The following NBEAL1 variants were observed in gnomAD, a reference collection of about 807,000 sequenced individuals.
The protein encoded by NBEAL1 is neurobeachin-like protein 1.
Under a neutral mutation model 351.3 loss-of-function variants are expected in NBEAL1, and 273 were observed. The observed-to-expected ratio is 0.78, with a 90% confidence interval of 0.70 to 0.86. NBEAL1 has a LOEUF of 0.86. Ranked by LOEUF, NBEAL1 falls within the 40% of genes least tolerant of loss-of-function variation. The probability of loss-of-function intolerance (pLI) is 0.00; values close to 1 mark genes in which losing one functional copy is unlikely to be tolerated. For missense variants in NBEAL1, 2,961 were observed against 3,201.3 expected, an observed-to-expected ratio of 0.92 and a Z score of 1.81; for synonymous variants, 1,050 against 1,086.4, an observed-to-expected ratio of 0.97 and a Z score of 0.66.
chr2:203,068,436 C>G lies in NBEAL1; in HGVS notation c.559C>G (p.Pro187Ala). 5 of 1,547,392 alleles carry G rather than the reference C, an allele frequency of 3.2e-6. 1 individual carries two copies. The highest frequency in any genetic ancestry group is 4.4e-6 in the Non-Finnish European group (5 of 1,144,328). Reference protein sequence around the residue: ...TVEKSRQKYKPASLTVEFVPF... With the variant: ...TVEKSRQKYKAASLTVEFVPF... ...GGAAAAGAGCAGACAGAAATATAAACCAGCTTCTCTCACAGTGGAATTCGT... is the reference window on the plus strand; with the variant it reads ...GGAAAAGAGCAGACAGAAATATAAAGCAGCTTCTCTCACAGTGGAATTCGT... The change falls in exon 7 of 56, where the codon CCA becomes GCA. Residue 187 changes from proline to alanine, a missense_variant. Transcript: ENST00000683969.
intron 39 of NBEAL1, among the ~76,000 whole-genome samples, chr2:203,170,708 T>C (rs1369789408): frequency 6.6e-6 from 1 of 152,194 alleles, no homozygotes; most frequent in Non-Finnish European, 1.5e-5. Flanking sequence ...CAGCAATTCT[T>C]TACTATTGCC....
At chr2:203,110,674 AAAATAAATAAATAAATAAAT>A (rs67437997) in intron 15 of NBEAL1, among the ~76,000 whole-genome samples, 3 of 130,880 alleles carry the variant, frequency 2.3e-5, no homozygotes, top group Non-Finnish European at 4.7e-5. Context: ...ATCCTGTCTC[AAAATAAATAAATAAATAAAT>A]AAATAAATAA....
At chr2:203,106,644 A>T (rs1277517842) in intron 12 of NBEAL1, among the ~76,000 whole-genome samples, 1 of 152,148 alleles carries the variant, frequency 6.6e-6, no homozygotes, top group Admixed American at 6.5e-5. Flanking sequence ...AATTCAAAAG[A>T]TTATATAACA....
chr2:203,212,208 C>A (rs1332798784), intron 54 of NBEAL1, among the ~76,000 whole-genome samples: 2 of 151,810 alleles, frequency 1.3e-5, no homozygotes, highest in Non-Finnish European at 2.9e-5. Flanking sequence ...GGGCTTCTTA[C>A]CCACCACTCA....
At chr2:203,028,388 T>C (rs1472016397) in intron 2 of NBEAL1, among the ~76,000 whole-genome samples, 1 of 152,064 alleles carries the variant, frequency 6.6e-6, no homozygotes, top group African/African-American at 2.4e-5. Context: ...CTTTAATTTT[T>C]TAATTAAGAT....
chr2:203,212,024 A>T (rs1293961385), intron 54 of NBEAL1, among the ~76,000 whole-genome samples: 1 of 151,942 alleles, frequency 6.6e-6, no homozygotes, highest in Non-Finnish European at 1.5e-5. Flanking sequence ...TCAGCTGGGA[A>T]TATAGGTGCG....
At chr2:203,202,660 C>A (rs115883003) in intron 50 of NBEAL1, 27 bp from the exon 51 acceptor site, 14 of 1,312,244 alleles carry the variant, frequency 1.1e-5, no homozygotes, top group Middle Eastern at 2.0e-4. Context: ...CGAGGCATCT[C>A]ATTTTATTTA....
At chr2:203,020,650 G>A (rs1425243876) in intron 2 of NBEAL1, among the ~76,000 whole-genome samples, 1 of 146,078 alleles carries the variant, frequency 6.8e-6, no homozygotes. Context: ...CAGCCTGGGT[G>A]ACAGAGTGAG....
intron 34 of NBEAL1, among the ~76,000 whole-genome samples, chr2:203,149,763 A>G: frequency 6.6e-6 from 1 of 152,066 alleles, no homozygotes; most frequent in East Asian, 1.9e-4. Flanking sequence ...ACCACCAATC[A>G]GCTTTCTGAC....
intron 6 of NBEAL1, among the ~76,000 whole-genome samples, chr2:203,065,638 G>T (rs1430381181): frequency 1.1e-4 from 16 of 152,110 alleles, no homozygotes; most frequent in Non-Finnish European, 1.3e-4. Context: ...TGTAGTCCCA[G>T]CTACTCAGGA....
chr2:203,015,181 C>A lies in NBEAL1; in HGVS notation c.-230+199C>A, dbSNP rs181449260. Among the ~76,000 whole-genome samples, 62 of 152,314 alleles carry A rather than the reference C, an allele frequency of 4.1e-4. No homozygotes were observed. The East Asian group carries it at 0.012, about 29-fold the overall frequency. On this transcript the variant is annotated intron_variant, in intron 1 of 55. Transcript: ENST00000683969. ...GACGCCGAGTCCGCATTCCTCAGTT[C>A]TAGAGCTTCTCTTGGCAGCTCGGCA... is the stretch of plus-strand genomic sequence containing the variant.
At chr2:203,124,094 T>A (rs12693980) in intron 19 of NBEAL1, among the ~76,000 whole-genome samples, 39,039 of 151,900 alleles carry the variant, frequency 0.26, 5,523 homozygotes, top group East Asian at 0.52. Flanking sequence ...CCCAGTACTT[T>A]GGGAGGCCAT....
At chr2:203,023,043 T>A (rs2060794814) in intron 2 of NBEAL1, among the ~76,000 whole-genome samples, 1 of 152,174 alleles carries the variant, frequency 6.6e-6, no homozygotes, top group South Asian at 2.1e-4. Flanking sequence ...GAAAATAGAA[T>A]TTAGAGGTGT....
At chr2:203,164,434 G>T (rs1466570185) in intron 36 of NBEAL1, among the ~76,000 whole-genome samples, 1 of 151,708 alleles carries the variant, frequency 6.6e-6, no homozygotes, top group Non-Finnish European at 1.5e-5. Flanking sequence ...TTGTAATTGG[G>T]ATTTTTTTTT....
At chr2:203,121,158 A>G (rs1265665266) in intron 18 of NBEAL1, among the ~76,000 whole-genome samples, 1 of 152,142 alleles carries the variant, frequency 6.6e-6, no homozygotes, top group Non-Finnish European at 1.5e-5. Flanking sequence ...CATGAGGGAA[A>G]ATAGTATCTT....
Position 203,180,378 on chromosome 2 carries a change from G to T in NBEAL1, c.6465-4G>T. Reference sequence around the variant, plus strand: ...TTTACTTCTCTTTTAATTTCTACATGCAGGTTTGACTGTGCAGATCGACAG... The same window carrying T: ...TTTACTTCTCTTTTAATTTCTACATTCAGGTTTGACTGTGCAGATCGACAG... On this transcript the variant is annotated splice_region_variant and splice_polypyrimidine_tract_variant and intron_variant, in intron 42 of 55. Transcript: ENST00000683969. The T allele has an allele frequency of 6.3e-7, 1 of 1,594,610 alleles. No individual in the cohort carries two copies. Among genetic ancestry groups the T allele is most frequent in the Non-Finnish European group, 8.5e-7 (1 of 1,174,818 alleles).
intron 13 of NBEAL1, 29 bp downstream of exon 13, chr2:203,107,547 T>A (rs988554331): frequency 1.3e-6 from 2 of 1,541,150 alleles, no homozygotes; most frequent in African/African-American, 2.8e-5. Context: ...TTAAGAGAAT[T>A]TCTGTTAATA....
At chr2:203,208,862 TACC>T in intron 52 of NBEAL1, 109 bp downstream of exon 52, 1 of 782,800 alleles carries the variant, frequency 1.3e-6, no homozygotes, top group Non-Finnish European at 2.0e-6. Context: ...AGAAATGTTA[TACC>T]ATACTTGTAT....
chr2:203,023,832 T>C (rs900702675), intron 2 of NBEAL1, among the ~76,000 whole-genome samples: 1 of 152,030 alleles, frequency 6.6e-6, no homozygotes, highest in Non-Finnish European at 1.5e-5. Flanking sequence ...AGGGTTATTA[T>C]GAGAATAAGA....
Sources: allele counts gnomAD v4.1 joint callset (sites outside exome capture counted in the v4.1 genomes callset), GRCh38; gene constraint gnomAD v4.1.1; transcripts MANE v1.5; gene names NCBI Gene and HGNC (gene_info 2026-07-23, HGNC 2026-07-21).